Variants in KHDRBS2 observed in about 807,000 individuals in gnomAD.
KHDRBS2 encodes the protein KH RNA binding domain containing, signal transduction associated 2, also known as KH domain-containing, RNA-binding, signal transduction-associated protein 2.
Under a neutral mutation model 44.3 loss-of-function variants are expected in KHDRBS2, and 26 were observed. That is an observed-to-expected ratio of 0.59 (90% CI 0.43 to 0.81). The LOEUF is 0.81. Among genes scored for constraint, KHDRBS2 ranks in the 40% least tolerant of loss-of-function variants. The pLI, the probability that KHDRBS2 is intolerant of heterozygous loss-of-function variation, is 0.00. For synonymous variants in KHDRBS2, 194 were observed against 151.1 expected, an observed-to-expected ratio of 1.28 and a Z score of -2.08; for missense variants, 476 against 433.1, an observed-to-expected ratio of 1.10 and a Z score of -0.88.
intron 1 of KHDRBS2, among the ~76,000 whole-genome samples, chr6:62,198,680 C>T (rs982980729): frequency 2.0e-5 from 3 of 152,170 alleles, no homozygotes; most frequent in Non-Finnish European, 4.4e-5. Flanking sequence ...GGTAGCATTC[C>T]TTCTGAAACT....
At chr6:62,183,946 G>A (rs1822897247) in intron 1 of KHDRBS2, among the ~76,000 whole-genome samples, 1 of 151,578 alleles carries the variant, frequency 6.6e-6, no homozygotes, top group South Asian at 2.1e-4. Flanking sequence ...ATGGAACACG[G>A]ACAACTTATA....
intron 7 of KHDRBS2, among the ~76,000 whole-genome samples, chr6:61,725,978 T>C (rs1401379746): frequency 2.6e-5 from 4 of 152,088 alleles, no homozygotes; most frequent in African/African-American, 9.7e-5. Flanking sequence ...TGCCAAAACC[T>C]GGCAGAGATA....
At chr6:61,660,337 C>T in the KHDRBS2 span, among the ~76,000 whole-genome samples, 5 of 151,722 alleles carry the variant, frequency 3.3e-5, no homozygotes, top group African/African-American at 1.2e-4. Flanking sequence ...GAAGGAGGCA[C>T]AATGTTTCTA....
downstream of KHDRBS2, among the ~76,000 whole-genome samples, chr6:61,675,225 T>C (rs563536102): frequency 6.6e-6 from 1 of 151,910 alleles, no homozygotes; most frequent in East Asian, 2.0e-4. Flanking sequence ...CTAGTCTATA[T>C]ATTTTCATGT....
chr6:62,271,307 C>T (rs1341694323), intron 1 of KHDRBS2, among the ~76,000 whole-genome samples: 2 of 152,118 alleles, frequency 1.3e-5, no homozygotes, highest in African/African-American at 4.8e-5. Flanking sequence ...TAATATCTAG[C>T]ACAATGCATT....
chr6:61,603,830 A>C, the KHDRBS2 span, among the ~76,000 whole-genome samples: 3 of 151,802 alleles, frequency 2.0e-5, no homozygotes, highest in African/African-American at 4.8e-5. Flanking sequence ...CAGATACCAC[A>C]CCTGACCACC....
At chr6:61,656,138 C>G in the KHDRBS2 span, among the ~76,000 whole-genome samples, 4 of 151,962 alleles carry the variant, frequency 2.6e-5, no homozygotes, top group African/African-American at 9.7e-5. Flanking sequence ...CGGATCTTTA[C>G]AAAACTTGTG....
At position 62,112,960 on chromosome 6, in the gene KHDRBS2, T is replaced by A. The variant is rs540183694; in HGVS notation, c.219+64225A>T. ...CTTCATCAATCCGTTCACCTATCCATCTTCTCACCCACATACCTATATAGC... is the reference window on the plus strand; with the variant it reads ...CTTCATCAATCCGTTCACCTATCCAACTTCTCACCCACATACCTATATAGC... On this transcript the variant is annotated intron_variant, in intron 2 of 8. Coordinates refer to ENST00000281156, the MANE Select transcript of KHDRBS2 (RefSeq NM_152688.4). Among the ~76,000 whole-genome samples, 6 of 152,258 alleles carry A rather than the reference T, an allele frequency of 3.9e-5. No individual in the cohort carries two copies. In the East Asian group the frequency reaches 1.2e-3, roughly 29 times the overall value.
At chr6:62,100,529 A>T (rs1477574433) in intron 2 of KHDRBS2, among the ~76,000 whole-genome samples, 2 of 152,214 alleles carry the variant, frequency 1.3e-5, no homozygotes, top group Non-Finnish European at 2.9e-5. Flanking sequence ...CGATGTGGCA[A>T]ACATTATTGT....
At chr6:61,933,777 G>C (rs910417638) in intron 4 of KHDRBS2, among the ~76,000 whole-genome samples, 69 of 152,088 alleles carry the variant, frequency 4.5e-4, no homozygotes, top group African/African-American at 1.6e-3. Flanking sequence ...ATCTATAATT[G>C]AATGAAATAT....
At chr6:61,622,127 A>G in the KHDRBS2 span, among the ~76,000 whole-genome samples, 7 of 152,336 alleles carry the variant, frequency 4.6e-5, no homozygotes, top group South Asian at 4.1e-4. Context: ...ATAAATGTGC[A>G]TTAAGTTGCT....
chr6:61,829,135 G>A (rs1791386251), intron 6 of KHDRBS2, among the ~76,000 whole-genome samples: 2 of 152,176 alleles, frequency 1.3e-5, no homozygotes, highest in South Asian at 4.1e-4. Context: ...GTGTGCATGT[G>A]TGTGTGTAGT....
the KHDRBS2 span, among the ~76,000 whole-genome samples, chr6:61,576,019 A>T: frequency 6.6e-6 from 1 of 152,096 alleles, no homozygotes; most frequent in Non-Finnish European, 1.5e-5. Flanking sequence ...TGCTCAGGTG[A>T]TGGGTGCACC....
chr6:61,566,212 A>G, the KHDRBS2 span, among the ~76,000 whole-genome samples: 1 of 152,164 alleles, frequency 6.6e-6, no homozygotes, highest in African/African-American at 2.4e-5. Flanking sequence ...TGAGAATAGA[A>G]TGATGGTTAC....
At chr6:61,901,450 A>C in intron 4 of KHDRBS2, 79 bp from the exon 5 acceptor site, 1 of 1,104,674 alleles carries the variant, frequency 9.1e-7, no homozygotes, top group Non-Finnish European at 1.3e-6. Flanking sequence ...AAAGAAACAA[A>C]ACAAAACGCA....
the KHDRBS2 span, among the ~76,000 whole-genome samples, chr6:61,563,300 C>A: frequency 6.6e-6 from 1 of 152,030 alleles, no homozygotes; most frequent in African/African-American, 2.4e-5. Context: ...ATATGAGGTC[C>A]TTGGGAAGTT....
intron 3 of KHDRBS2, among the ~76,000 whole-genome samples, chr6:62,014,275 T>C (rs1780812368): frequency 6.6e-6 from 1 of 152,178 alleles, no homozygotes; most frequent in Admixed American, 6.6e-5. Context: ...ACATTTAAAT[T>C]TTCTTTCTTA....
the KHDRBS2 span, among the ~76,000 whole-genome samples, chr6:61,636,122 C>CT: frequency 6.6e-6 from 1 of 151,966 alleles, no homozygotes; most frequent in African/African-American, 2.4e-5. Context: ...CTAAAATGAA[C>CT]TTTTTTGTAT....
At chr6:61,997,843 G>T (rs116732917) in intron 3 of KHDRBS2, among the ~76,000 whole-genome samples, 15 of 152,028 alleles carry the variant, frequency 9.9e-5, no homozygotes, top group Admixed American at 9.8e-4. Context: ...TCAATGACAC[G>T]ATTCTATAAG....
Sources: gnomAD v4.1 joint callset for allele counts (sites outside exome capture counted in the v4.1 genomes callset) on GRCh38, gnomAD v4.1.1 for gene constraint, MANE v1.5 for transcripts, NCBI Gene and HGNC (gene_info 2026-07-23, HGNC 2026-07-21) for gene names.